The following BLTP1 variants were observed in gnomAD, a reference collection of about 807,000 sequenced individuals.
The protein encoded by BLTP1 is bridge-like lipid transfer protein family member 1.
At chr4:122,287,011 T>G in the BLTP1 span, among the ~76,000 whole-genome samples, 1 of 152,198 alleles carries the variant, frequency 6.6e-6, no homozygotes, top group Non-Finnish European at 1.5e-5. Context: ...CTTTTAAAAA[T>G]ATGTATTAGT....
At chr4:122,254,475 C>A in the BLTP1 span, 1 of 1,303,346 alleles carries the variant, frequency 7.7e-7, no homozygotes, top group Non-Finnish European at 1.0e-6. Flanking sequence ...ACTTTTTCAT[C>A]ATTCTTACTT....
chr4:122,276,527 A>G, the BLTP1 span: 10 of 984,776 alleles, frequency 1.0e-5, no homozygotes, highest in Middle Eastern at 1.0e-3. Context: ...AGTTTCATTC[A>G]ATAGATGAAT....
At chr4:122,295,215 C>G in the BLTP1 span, among the ~76,000 whole-genome samples, 1 of 152,028 alleles carries the variant, frequency 6.6e-6, no homozygotes, top group African/African-American at 2.4e-5. Context: ...GAGAACTTCC[C>G]CAACTGAGCA....
At chr4:122,171,938 C>A in the BLTP1 span, 1 of 985,112 alleles carries the variant, frequency 1.0e-6, no homozygotes, top group Middle Eastern at 5.2e-4. Context: ...ATTTTCTCAG[C>A]AAATGCCTGT....
chr4:122,204,344 A>G, the BLTP1 span: 1 of 969,390 alleles, frequency 1.0e-6, no homozygotes. Flanking sequence ...AAATGAATTC[A>G]GTAGTTTTAA....
the BLTP1 span, chr4:122,188,997 G>A: frequency 0.068 from 66,980 of 985,006 alleles, 2,472 homozygotes; most frequent in Middle Eastern, 0.076. Flanking sequence ...CACTCTTCAA[G>A]ATCATGGACT....
At chr4:122,178,063 C>T in the BLTP1 span, 2 of 868,330 alleles carry the variant, frequency 2.3e-6, no homozygotes, top group Non-Finnish European at 2.8e-6. Flanking sequence ...TATCTTTCTC[C>T]TAGTCATACT....
the BLTP1 span, chr4:122,349,132 A>C: frequency 6.3e-7 from 1 of 1,589,768 alleles, no homozygotes; most frequent in Non-Finnish European, 8.6e-7. The surrounding 1 kb of genome is among the most constrained non-coding windows in gnomAD (Gnocchi z 4.5). Flanking sequence ...AGCTATATAT[A>C]TAATAACCTT....
the BLTP1 span, chr4:122,175,383 T>G: frequency 5.9e-6 from 3 of 511,684 alleles, no homozygotes; most frequent in African/African-American, 2.1e-5. Context: ...TGAAGGAACA[T>G]CCTTAAAAGT....
At chr4:122,362,154 A>G in the BLTP1 span, 1 of 1,613,646 alleles carries the variant, frequency 6.2e-7, no homozygotes, top group South Asian at 1.1e-5. Flanking sequence ...TCATGGATCC[A>G]CTGGACAAGG....
chr4:122,325,647 G>A, the BLTP1 span: 20 of 1,074,656 alleles, frequency 1.9e-5, no homozygotes, highest in Middle Eastern at 4.0e-4. Context: ...AAATGTAAAC[G>A]TGGAATATTG....
chr4:122,266,932 A>G, the BLTP1 span: 3 of 1,593,832 alleles, frequency 1.9e-6, no homozygotes, highest in Non-Finnish European at 1.7e-6. Context: ...ACACAGCCAA[A>G]GAGAGAAAAG....
the BLTP1 span, chr4:122,344,627 T>C: frequency 2.3e-6 from 3 of 1,279,208 alleles, no homozygotes; most frequent in South Asian, 3.8e-5. Context: ...GCCTCTGTTT[T>C]AATAGTGTTT....
chr4:122,345,140 T>C, the BLTP1 span: 5 of 624,162 alleles, frequency 8.0e-6, no homozygotes, highest in Non-Finnish European at 1.0e-5. Context: ...TCTGAAAATA[T>C]ATATTAAGCC....
At chr4:122,320,077 C>T in the BLTP1 span, among the ~76,000 whole-genome samples, 1 of 152,104 alleles carries the variant, frequency 6.6e-6, no homozygotes, top group Non-Finnish European at 1.5e-5. Context: ...TATTGAGTCT[C>T]AAACTGTAAT....
the BLTP1 span, chr4:122,258,575 AAAT>A: frequency 7.8e-7 from 1 of 1,282,574 alleles, no homozygotes; most frequent in African/African-American, 1.5e-5. Context: ...GTGGGGGAGA[AAAT>A]AATAAATATT....
At chr4:122,176,608 T>G in the BLTP1 span, among the ~76,000 whole-genome samples, 4 of 152,302 alleles carry the variant, frequency 2.6e-5, no homozygotes, top group South Asian at 8.3e-4. Flanking sequence ...TATAGTAATA[T>G]TTTTATGAGT....
chr4:122,286,461 G>A, the BLTP1 span: 1 of 1,575,160 alleles, frequency 6.3e-7, no homozygotes, highest in Non-Finnish European at 8.6e-7. Context: ...ATTTTTCTTA[G>A]ATACCCTTTT....
chr4:122,187,713 T>A, the BLTP1 span: 1 of 471,960 alleles, frequency 2.1e-6, no homozygotes, highest in Non-Finnish European at 2.8e-6. Flanking sequence ...TTTAAGTACT[T>A]AAATTTTCTT....
Sources: allele counts gnomAD v4.1 joint callset (sites outside exome capture counted in the v4.1 genomes callset), GRCh38; gene constraint gnomAD v4.1.1; non-coding constraint Gnocchi (gnomAD v3.1); transcripts MANE v1.5; gene names NCBI Gene and HGNC (gene_info 2026-07-23, HGNC 2026-07-21).